Variants in CALN1 observed in about 807,000 individuals in gnomAD.
CALN1 encodes the protein calneuron 1.
A neutral mutation model predicts 30.6 loss-of-function variants in CALN1; 17 were observed. The ratio of observed to expected loss-of-function variants is 0.56; its 90% confidence interval spans 0.38 to 0.83. CALN1 has a LOEUF of 0.83. CALN1 is among the 40% of genes least tolerant of loss of function. The pLI, the probability that CALN1 is intolerant of heterozygous loss-of-function variation, is 0.00. For synonymous variants in CALN1, 156 were observed against 131.4 expected (o/e 1.19, Z -1.28); for missense variants, 291 against 354.9 (o/e 0.82, Z 1.45).
intron 5 of CALN1, among the ~76,000 whole-genome samples, chr7:71,897,207 G>A (rs1035381381): frequency 1.3e-5 from 2 of 152,152 alleles, no homozygotes; most frequent in African/African-American, 2.4e-5. Flanking sequence ...GTGAATTCCT[G>A]TAAGATTCGC....
In CALN1 at chr7:71,801,376, TTATGTATGTATG is replaced by T. The variant is rs575924113; in HGVS notation, c.658+8948_658+8959del. ...TACAGGTGCCTGCCACCATGCCTGG[TTATGTATGTATG>T]TATGTATGTATGTATGTATGTATGT... On this transcript the variant is annotated intron_variant, in intron 6 of 6. Transcript: ENST00000395275. Among the ~76,000 whole-genome samples the T allele has an allele frequency of 6.6e-3, 802 of 121,600 alleles. 9 individuals are homozygous for T. The highest frequency in any genetic ancestry group is 0.018 in the Admixed American group (204 of 11,276). 79.8% of individuals were successfully genotyped at this position (121,600 alleles called of 152,430 possible).
rs78194416 is a variant in CALN1 at position 72,384,627 on chromosome 7, T to C, written c.119+18624A>G. ...CTACTGCACTCCAGCCTGGGCAACA[T>C]AGTGAGACCCCGTCTCAAGAAAAAA... On this transcript the variant is annotated intron_variant, in intron 2 of 6. Transcript: ENST00000395275. 7.3e-5 allele frequency among the ~76,000 whole-genome samples: 11 copies of C among 151,640 alleles called. No homozygotes were observed. The East Asian group carries it at 1.4e-3, about 19-fold the overall frequency.
intron 6 of CALN1, among the ~76,000 whole-genome samples, chr7:71,807,125 G>T (rs1374517835): frequency 1.3e-5 from 2 of 152,186 alleles, no homozygotes; most frequent in Non-Finnish European, 2.9e-5. Context: ...AAGGCTGGGA[G>T]GAGGAGAGGG....
At chr7:72,165,378 G>A (rs1208506930) in intron 3 of CALN1, among the ~76,000 whole-genome samples, 1 of 152,090 alleles carries the variant, frequency 6.6e-6, no homozygotes, top group Non-Finnish European at 1.5e-5. Flanking sequence ...TGGCCAACAG[G>A]GTGAGACTGC....
Position 71,787,531 on chromosome 7 carries a change from A to G in CALN1, c.*244T>C, listed in dbSNP as rs1011034904. The G allele has an allele frequency of 2.3e-6, 1 of 434,098 alleles. No individual in the cohort carries two copies. 26.9% of individuals were successfully genotyped at this position (434,098 alleles called of 1,614,324 possible). A position where few individuals can be genotyped will look rare whatever the true frequency, so the allele number is the denominator to read the frequency against. On this transcript the variant is annotated 3_prime_UTR_variant, in exon 7 of 7. Coordinates refer to ENST00000395275, the MANE Select transcript of CALN1 (RefSeq NM_031468.4). ...AAGCAATAATTTGGAAATCCTGGCG[A>G]TTTATTGCATTAGAAAACAAAACCA...
intron 3 of CALN1, among the ~76,000 whole-genome samples, chr7:72,143,068 C>G (rs1810073581): frequency 6.6e-6 from 1 of 152,170 alleles, no homozygotes; most frequent in Admixed American, 6.5e-5. Context: ...ATCAAAGTGC[C>G]TCTCCTCCTC....
At chr7:71,890,126 A>T (rs1793157168) in intron 5 of CALN1, among the ~76,000 whole-genome samples, 1 of 152,044 alleles carries the variant, frequency 6.6e-6, no homozygotes, top group African/African-American at 2.4e-5. Flanking sequence ...TTTTTTGGAG[A>T]CAAGGTCTCA....
intron 2 of CALN1, among the ~76,000 whole-genome samples, chr7:72,303,498 G>A (rs561278107): frequency 9.9e-5 from 15 of 151,502 alleles, no homozygotes; most frequent in Admixed American, 2.0e-4. Context: ...CAGAGGCTGC[G>A]GTGAGCCAAG....
At chr7:72,261,567 G>A (rs1796276805) in intron 3 of CALN1, among the ~76,000 whole-genome samples, 1 of 152,108 alleles carries the variant, frequency 6.6e-6, no homozygotes, top group Admixed American at 6.5e-5. Flanking sequence ...TGGGACTACA[G>A]GTGTGCACAT....
chr7:72,164,536 C>T (rs866775309), intron 3 of CALN1, among the ~76,000 whole-genome samples: 2 of 152,116 alleles, frequency 1.3e-5, no homozygotes, highest in Admixed American at 6.5e-5. Context: ...TTAGAGGAAC[C>T]ACAGCCCAGC....
chr7:72,113,941 G>A (rs1270237813), intron 3 of CALN1, among the ~76,000 whole-genome samples: 2 of 152,086 alleles, frequency 1.3e-5, no homozygotes, highest in East Asian at 3.9e-4. Flanking sequence ...CAGAGTCTAA[G>A]GGGAAGATGA....
At position 72,403,334 on chromosome 7, in the gene CALN1, G is replaced by A; in HGVS notation, c.36C>T (p.Pro12=). 1 of 1,549,170 alleles carries A rather than the reference G, an allele frequency of 6.5e-7. No homozygotes were observed. The highest frequency in any genetic ancestry group is 8.7e-7 in the Non-Finnish European group (1 of 1,146,900). The change falls in exon 2 of 7, where the codon CCC becomes CCT. Residue 12 remains proline (P), a synonymous_variant. Transcript: ENST00000395275. ...CTCCGTCCCCCTTTTTCTCATTCTCGGGCTTCCCCTCTCCGGGTTGCTCTG... is the reference window on the plus strand; with the variant it reads ...CTCCGTCCCCCTTTTTCTCATTCTCAGGCTTCCCCTCTCCGGGTTGCTCTG... ...RLPEQPGEGK[P]ENEKKGDGGA...
chr7:72,113,561 CG>C (rs1433502926), intron 3 of CALN1, among the ~76,000 whole-genome samples: 1 of 152,238 alleles, frequency 6.6e-6, no homozygotes, highest in Admixed American at 6.5e-5. Flanking sequence ...GGCTCTACCC[CG>C]CAGGCCAGGG....
the CALN1 span, among the ~76,000 whole-genome samples, chr7:72,503,180 C>T: frequency 6.6e-6 from 1 of 152,042 alleles, no homozygotes; most frequent in African/African-American, 2.4e-5. Flanking sequence ...TAATTGTAAA[C>T]CTCTGGCTAT....
intron 4 of CALN1, among the ~76,000 whole-genome samples, chr7:72,072,641 T>A (rs1804477839): frequency 6.6e-6 from 1 of 152,202 alleles, no homozygotes; most frequent in Non-Finnish European, 1.5e-5. Flanking sequence ...TAACATTGGT[T>A]TGTAACTCTA....
chr7:72,478,666 C>T, the CALN1 span, among the ~76,000 whole-genome samples: 2 of 151,958 alleles, frequency 1.3e-5, no homozygotes, highest in Admixed American at 1.3e-4. Context: ...TACCTGATTG[C>T]TTCCCCTGCT....
intron 5 of CALN1, among the ~76,000 whole-genome samples, chr7:71,961,693 T>C (rs1797255787): frequency 6.6e-6 from 1 of 152,206 alleles, no homozygotes; most frequent in African/African-American, 2.4e-5. Flanking sequence ...AACTGATCTC[T>C]GTAGATTGCA....
chr7:72,259,685 T>A (rs535732819), intron 3 of CALN1, among the ~76,000 whole-genome samples: 37 of 152,298 alleles, frequency 2.4e-4, no homozygotes, highest in Non-Finnish European at 4.6e-4. Context: ...TGCCTCCCAG[T>A]TATTGCAAAC....
chr7:71,803,293 C>T (rs1049871856), intron 6 of CALN1, among the ~76,000 whole-genome samples: 3 of 152,194 alleles, frequency 2.0e-5, no homozygotes, highest in South Asian at 2.1e-4. Flanking sequence ...GATTTTCCAT[C>T]GGGAAGCCAG....
Sources: allele counts gnomAD v4.1 joint callset (sites outside exome capture counted in the v4.1 genomes callset), GRCh38; gene constraint gnomAD v4.1.1; transcripts MANE v1.5; gene names NCBI Gene and HGNC (gene_info 2026-07-23, HGNC 2026-07-21).